Variants in THRB observed in about 807,000 individuals in gnomAD.
THRB encodes thyroid hormone receptor beta.
Under a neutral mutation model 47.8 loss-of-function variants are expected in THRB, and 12 were observed. That is an observed-to-expected ratio of 0.25 (90% CI 0.16 to 0.41). The LOEUF is 0.41. THRB is among the 10% of genes least tolerant of loss of function. The probability of loss-of-function intolerance (pLI) is 1.00; values close to 1 mark genes in which losing one functional copy is unlikely to be tolerated. For synonymous variants in THRB, 218 were observed against 212.2 expected (o/e 1.03, Z -0.24); for missense variants, 348 against 589.2 (o/e 0.59, Z 4.24).
At chr3:24,408,733 A>G (rs2068032147) in intron 1 of THRB, among the ~76,000 whole-genome samples, 1 of 151,856 alleles carries the variant, frequency 6.6e-6, no homozygotes, top group Non-Finnish European at 1.5e-5. Flanking sequence ...CTTTACATCA[A>G]CTAAAATGTG....
intron 3 of THRB, among the ~76,000 whole-genome samples, chr3:24,233,599 G>GAAAGAAAGAAAGAAA (rs1553658474): frequency 6.6e-6 from 1 of 150,798 alleles, no homozygotes; most frequent in African/African-American, 2.4e-5. Context: ...AAGAAAGAAA[G>GAAAGAAAGAAAGAAA]AAAGAAAGAA....
At position 24,118,502 on chromosome 3, in the gene THRB, C is replaced by T. The variant is rs929500371; in HGVS notation, c.*4382G>A. ...TCTATTCTGTAGTATTTTTCTGATTCTCAGGGCATGAAAACATTATGGGAA... is the reference window on the plus strand; with the variant it reads ...TCTATTCTGTAGTATTTTTCTGATTTTCAGGGCATGAAAACATTATGGGAA... On this transcript the variant is annotated 3_prime_UTR_variant, in exon 11 of 11. Transcript: ENST00000646209. 3 of 152,450 alleles carry T rather than the reference C, an allele frequency of 2.0e-5. No homozygotes were observed. The highest frequency in any genetic ancestry group is 4.4e-5 in the Non-Finnish European group (3 of 68,012). The allele number at this position is 152,450 out of a possible 1,614,324, so 9.4% of individuals were successfully genotyped here.
chr3:24,429,961 G>A (rs1197242358), intron 1 of THRB: 2 of 151,854 alleles, frequency 1.3e-5, no homozygotes, highest in Non-Finnish European at 2.9e-5. Flanking sequence ...TGGTGGCAAA[G>A]TTGAAAAAAA....
chr3:24,237,726 A>G (rs2049016911), intron 3 of THRB, among the ~76,000 whole-genome samples: 1 of 152,182 alleles, frequency 6.6e-6, no homozygotes, highest in Non-Finnish European at 1.5e-5. Context: ...CACTTAATCC[A>G]TGGTAGTATT....
Position 24,386,879 on chromosome 3 carries a change from G to A in THRB, c.-260-49508C>T, listed in dbSNP as rs538574822. ...AACAGCCTCTATATTGCAGGGTTGT[G>A]GAGAGAACTAAATGAGTTAAAGCAC... On this transcript the variant is annotated intron_variant, in intron 1 of 10. Transcript: ENST00000646209. Among the ~76,000 whole-genome samples the A allele has an allele frequency of 3.3e-5, 5 of 152,200 alleles. No homozygotes were observed. In the East Asian group the frequency reaches 9.7e-4, roughly 29 times the overall value.
intron 3 of THRB, among the ~76,000 whole-genome samples, chr3:24,253,648 G>A (rs1018669985): frequency 1.3e-5 from 2 of 152,118 alleles, no homozygotes; most frequent in Admixed American, 6.5e-5. Context: ...AAAGAGTTTT[G>A]CCAGATCTTC....
At chr3:24,340,136 T>C (rs1224337267) in intron 1 of THRB, among the ~76,000 whole-genome samples, 3 of 152,240 alleles carry the variant, frequency 2.0e-5, no homozygotes, top group African/African-American at 7.2e-5. Context: ...CTTGGTTTAC[T>C]AATATGTTAT....
chr3:24,458,701 C>T (rs1337510020), intron 1 of THRB: 3 of 152,164 alleles, frequency 2.0e-5, no homozygotes, highest in Non-Finnish European at 4.4e-5. Context: ...CCATGAACAT[C>T]CAACTTAACT....
intron 1 of THRB, among the ~76,000 whole-genome samples, chr3:24,378,107 G>GA (rs1318622433): frequency 6.6e-6 from 1 of 152,090 alleles, no homozygotes; most frequent in Non-Finnish European, 1.5e-5. Context: ...AATTCACTGT[G>GA]AGTGAGGCAG....
At chr3:24,173,921 T>A (rs1302170659) in intron 5 of THRB, among the ~76,000 whole-genome samples, 1 of 152,198 alleles carries the variant, frequency 6.6e-6, no homozygotes, top group Non-Finnish European at 1.5e-5. Flanking sequence ...CACATACCAA[T>A]TCTAAACTCA....
intron 1 of THRB, among the ~76,000 whole-genome samples, chr3:24,356,559 A>C (rs1347023177): frequency 6.6e-6 from 1 of 152,052 alleles, no homozygotes; most frequent in East Asian, 1.9e-4. Flanking sequence ...ATATGATCCC[A>C]TTCTATTCCT....
chr3:24,274,463 A>G (rs1199553038), intron 3 of THRB, among the ~76,000 whole-genome samples: 1 of 152,178 alleles, frequency 6.6e-6, no homozygotes, highest in Admixed American at 6.5e-5. Context: ...GTATTACCAA[A>G]TATTAAAAAA....
intron 4 of THRB, among the ~76,000 whole-genome samples, chr3:24,209,653 C>G (rs2045801652): frequency 6.6e-6 from 1 of 152,084 alleles, no homozygotes; most frequent in African/African-American, 2.4e-5. Context: ...GGAAGAGGAA[C>G]ATCACACACC....
At chr3:24,342,385 C>T (rs937628707) in intron 1 of THRB, among the ~76,000 whole-genome samples, 3 of 152,022 alleles carry the variant, frequency 2.0e-5, no homozygotes, top group Non-Finnish European at 2.9e-5. Context: ...CCTAAGCTAT[C>T]GAGATGAGAA....
chr3:24,233,571 GAAAGAAAGAA>G (rs1268169874), intron 3 of THRB, among the ~76,000 whole-genome samples: 61 of 64,930 alleles, frequency 9.4e-4, no homozygotes, highest in African/African-American at 1.2e-3. Context: ...AAGAAAGAAA[GAAAGAAAGAA>G]AGAAAGAAAG....
intron 1 of THRB, among the ~76,000 whole-genome samples, chr3:24,365,476 C>T (rs560743459): frequency 3.7e-4 from 57 of 152,182 alleles, no homozygotes; most frequent in African/African-American, 1.3e-3. Context: ...TTATAAGGTC[C>T]CCGGGCAGTT....
chr3:24,265,643 A>G (rs2052575635), intron 3 of THRB, among the ~76,000 whole-genome samples: 1 of 152,206 alleles, frequency 6.6e-6, no homozygotes, highest in Admixed American at 6.5e-5. Context: ...AAGTATTACT[A>G]ACATATTTTA....
intron 2 of THRB, among the ~76,000 whole-genome samples, chr3:24,314,271 A>T (rs1039756247): frequency 6.6e-6 from 1 of 152,222 alleles, no homozygotes; most frequent in African/African-American, 2.4e-5. Flanking sequence ...CTACACAATT[A>T]TTCATTCAGA....
At chr3:24,404,870 A>G (rs995514551) in intron 1 of THRB, among the ~76,000 whole-genome samples, 6 of 151,756 alleles carry the variant, frequency 4.0e-5, no homozygotes, top group African/African-American at 1.4e-4. Flanking sequence ...CTAATTAATT[A>G]ATTTCTTATT....
Sources: allele counts gnomAD v4.1 joint callset (sites outside exome capture counted in the v4.1 genomes callset), GRCh38; gene constraint gnomAD v4.1.1; transcripts MANE v1.5; gene names NCBI Gene and HGNC (gene_info 2026-07-23, HGNC 2026-07-21).